PHF2: variants seen among roughly 807,000 people sequenced by gnomAD.
PHF2 encodes lysine-specific demethylase PHF2.
Under a neutral mutation model 120.5 loss-of-function variants are expected in PHF2, and 27 were observed. The observed-to-expected ratio is 0.22, with a 90% confidence interval of 0.17 to 0.31. PHF2 has a LOEUF of 0.31. PHF2 is among the 10% of genes least tolerant of loss of function. PHF2 has a pLI of 1.00. For missense variants in PHF2, 1,024 were observed against 1,434.8 expected, an observed-to-expected ratio of 0.71 and a Z score of 4.63; for synonymous variants, 568 against 592.5, an observed-to-expected ratio of 0.96 and a Z score of 0.60.
At chr9:93,579,319 C>G (rs1290227972) in intron 1 of PHF2, among the ~76,000 whole-genome samples, 1 of 152,110 alleles carries the variant, frequency 6.6e-6, no homozygotes, top group Non-Finnish European at 1.5e-5. Flanking sequence ...TACTTTTAAA[C>G]TTTTTATTTT....
Position 93,654,443 on chromosome 9 carries a change from G to A in PHF2, c.820G>A (p.Ala274Thr). Residue 274 changes from alanine (A) to threonine (T), a missense_variant, in exon 7 of 22, where the codon GCC (alanine) becomes ACC (threonine). By Grantham distance (58) the Ala-to-Thr change is moderately conservative. Transcript: ENST00000359246. ...GEKTFYLIRP[A>T]SANISLYERW... is the part of the protein sequence containing the mutation. ...GAAGACCTTCTATCTCATCAGGCCG[G>A]CCTCGGCCAACATCTCCCTGTATGA... is the stretch of plus-strand genomic sequence containing the variant. 6.8e-6 allele frequency: 11 copies of A among 1,613,772 alleles called. No homozygotes were observed. The highest frequency in any genetic ancestry group is 9.3e-6 in the Non-Finnish European group (11 of 1,179,922).
rs556850664 is a variant in PHF2, at chr9:93,652,570, T to G, written c.603-609T>G. Among the ~76,000 whole-genome samples, 240 of 152,114 alleles carry G rather than the reference T, an allele frequency of 1.6e-3. 1 individual carries two copies. Among genetic ancestry groups the G allele is most frequent in the Admixed American group, 2.8e-3 (43 of 15,286 alleles). Reference sequence around the variant, plus strand: ...CCTCCCAAAGTGCTGAGATTACAGATGTGAGCCACCATGCCCAGCCTAGTT... The same window carrying G: ...CCTCCCAAAGTGCTGAGATTACAGAGGTGAGCCACCATGCCCAGCCTAGTT... On this transcript the variant is annotated intron_variant, in intron 5 of 21. Transcript: ENST00000359246.
At position 93,608,215 on chromosome 9, in the gene PHF2, C is replaced by T. The variant is rs117503188; in HGVS notation, c.99-21755C>T. ...AAGTAATCCTGTAATCCTAGCTACT[C>T]GGGAGGCTAAGGTGAGAGGATTGCT... On this transcript the variant is annotated intron_variant, in intron 1 of 21. Transcript: ENST00000359246. Among the ~76,000 whole-genome samples the T allele has an allele frequency of 7.6e-4, 115 of 151,998 alleles. 1 individual carries two copies. The East Asian group carries it at 0.015, about 19-fold the overall frequency.
In PHF2 at chr9:93,645,785, C is replaced by T. The variant is rs773904244; in HGVS notation, c.456C>T (p.Tyr152=). ...TCTATGTCAGTGACGTCGAGAACTA[C>T]GTGGGTAAGCGCCATCCCCTTCACA... is the stretch of plus-strand genomic sequence containing the variant. ...PTFYVSDVEN[Y]VGPERSVDVT... The change falls in exon 4 of 22, where the codon TAC becomes TAT. Residue 152 remains tyrosine (Y), a synonymous_variant. Transcript: ENST00000359246. 9.9e-5 allele frequency: 157 copies of T among 1,587,134 alleles called. No individual in the cohort carries two copies. The highest frequency in any genetic ancestry group is 3.1e-4 in the South Asian group (27 of 86,898).
In PHF2 at chr9:93,662,924, G is replaced by C; in HGVS notation, c.1716G>C (p.Leu572=). ...TTTTCTAGGCCACAAAGAGTGTCCTGAGTGTGCCCAACAAAGATGTGGTTC... is the reference window on the plus strand; with the variant it reads ...TTTTCTAGGCCACAAAGAGTGTCCTCAGTGTGCCCAACAAAGATGTGGTTC... The part of the protein sequence containing the change: ...PKKGKATKSV[L]SVPNKDVVHM... Residue 572 remains leucine (L), a synonymous_variant, in exon 13 of 22, where the codon CTG becomes CTC. Coordinates refer to ENST00000359246, the MANE Select transcript of PHF2 (RefSeq NM_005392.4). 1.2e-6 allele frequency: 2 copies of C among 1,614,104 alleles called. No homozygotes were observed. The highest frequency in any genetic ancestry group is 8.5e-7 in the Non-Finnish European group (1 of 1,179,972).
At chr9:93,653,765 A>G (rs1826409796) in intron 6 of PHF2, among the ~76,000 whole-genome samples, 1 of 152,230 alleles carries the variant, frequency 6.6e-6, no homozygotes, top group African/African-American at 2.4e-5. Flanking sequence ...GAGCCTCATC[A>G]TCGAGGCTGA....
Position 93,653,270 on chromosome 9 carries a change from A to G in PHF2, c.694A>G (p.Lys232Glu). 6.2e-7 allele frequency: 1 copy of G among 1,614,210 alleles called. No homozygotes were observed. Residue 232 changes from lysine (K) to glutamate (E), a missense_variant, in exon 6 of 22, where the codon AAA becomes GAA. Physicochemically the swap from Lys to Glu is moderately conservative, Grantham distance 56. Around this residue, in one of 2 missense-constraint regions of PHF2, gnomAD observed 347 missense variants for 577.4 expected, o/e 0.60. Coordinates refer to ENST00000359246, the MANE Select transcript of PHF2 (RefSeq NM_005392.4). The part of the protein sequence containing the change: ...WPDDALLAKP[K>E]VTKYCLICVK... Reference sequence around the variant, plus strand: ...AGATGATGCATTGCTGGCCAAGCCCAAAGTGACCAAGTACTGCCTAATCTG... The same window carrying G: ...AGATGATGCATTGCTGGCCAAGCCCGAAGTGACCAAGTACTGCCTAATCTG...
At position 93,576,891 on chromosome 9, in the gene PHF2, T is replaced by TCGGCTCGGCCCGGCCCGGCC. The variant is rs1383353797; in HGVS notation, c.98+25_98+44dup. The stretch of plus-strand genomic sequence containing the variant: ...CGGCAGGTGAGCGCGCGGCGGCTGC[T>TCGGCTCGGCCCGGCCCGGCC]CGGCTCGGCCCGGCCCGGCCCGGCC... On this transcript the variant is annotated intron_variant, in intron 1 of 21. Transcript: ENST00000359246. 1 of 1,135,816 alleles carries TCGGCTCGGCCCGGCCCGGCC rather than the reference T, an allele frequency of 8.8e-7. No individual in the cohort carries two copies. Among genetic ancestry groups the TCGGCTCGGCCCGGCCCGGCC allele is most frequent in the East Asian group, 7.9e-5 (1 of 12,632 alleles). 70.4% of individuals were successfully genotyped at this position (1,135,816 alleles called of 1,614,324 possible).
chr9:93,645,809 C>T lies in PHF2; in HGVS notation c.460+20C>T, dbSNP rs764477457. 7 of 1,558,306 alleles carry T rather than the reference C, an allele frequency of 4.5e-6. No homozygotes were observed. In the Admixed American group the frequency reaches 1.3e-4, roughly 28 times the overall value. ...ACGTGGGTAAGCGCCATCCCCTTCACAGTGCTCTGGGGCTGGAGCTGGGAG... is the reference window on the plus strand; with the variant it reads ...ACGTGGGTAAGCGCCATCCCCTTCATAGTGCTCTGGGGCTGGAGCTGGGAG... On this transcript the variant is annotated intron_variant, in intron 4 of 21. Coordinates refer to ENST00000359246, the MANE Select transcript of PHF2 (RefSeq NM_005392.4).
At chr9:93,666,154 G>T (rs554130115) in intron 16 of PHF2, 94 bp downstream of exon 16, 2 of 1,343,836 alleles carry the variant, frequency 1.5e-6, no homozygotes, top group Admixed American at 1.9e-5. Flanking sequence ...GGTCTCTGGG[G>T]GTGTTTCTGC....
intron 1 of PHF2, among the ~76,000 whole-genome samples, chr9:93,610,067 G>A (rs1221039738): frequency 1.2e-5 from 1 of 86,602 alleles, no homozygotes; most frequent in Non-Finnish European, 3.1e-5. Context: ...ATGCCTAGGT[G>A]TAGATTTTTT....
At chr9:93,595,995 A>G (rs1256152704) in intron 1 of PHF2, among the ~76,000 whole-genome samples, 1 of 152,174 alleles carries the variant, frequency 6.6e-6, no homozygotes, top group Non-Finnish European at 1.5e-5. Context: ...AGGATGGGGC[A>G]TTTCCCAGTT....
chr9:93,664,365 G>A (rs770376312), intron 14 of PHF2, among the ~76,000 whole-genome samples: 2 of 152,192 alleles, frequency 1.3e-5, no homozygotes, highest in East Asian at 1.9e-4. Flanking sequence ...TGGCAACCTC[G>A]AGAGCCTCAT....
At chr9:93,644,637 A>G (rs754200497) in intron 3 of PHF2, among the ~76,000 whole-genome samples, 19 of 152,026 alleles carry the variant, frequency 1.2e-4, no homozygotes, top group Non-Finnish European at 2.2e-4. Flanking sequence ...AACTGTGCCC[A>G]TCCCATAGAA....
At chr9:93,577,938 C>T (rs1156868909) in intron 1 of PHF2, among the ~76,000 whole-genome samples, 2 of 152,168 alleles carry the variant, frequency 1.3e-5, no homozygotes, top group Non-Finnish European at 2.9e-5. Flanking sequence ...GGCTGTATGC[C>T]CTCTGGGGCT....
At chr9:93,635,940 G>A (rs994059259) in intron 2 of PHF2, among the ~76,000 whole-genome samples, 20 of 152,056 alleles carry the variant, frequency 1.3e-4, no homozygotes, top group Non-Finnish European at 2.6e-4. Context: ...GGGAGGAGAC[G>A]GAACAAGATG....
Position 93,576,749 on chromosome 9 carries a change from C to A in PHF2, c.-25C>A. ...CGACCCGGGCAGCGCAGCGGCGGGG[C>A]CGAGCGGCGGCGCGGCGCGGCAACA... is the stretch of plus-strand genomic sequence containing the variant. On this transcript the variant is annotated 5_prime_UTR_variant, in exon 1 of 22. Coordinates refer to ENST00000359246, the MANE Select transcript of PHF2 (RefSeq NM_005392.4). 8.7e-7 allele frequency: 1 copy of A among 1,154,370 alleles called. No homozygotes were observed. The highest frequency in any genetic ancestry group is 1.1e-6 in the Non-Finnish European group (1 of 910,654). The allele number at this position is 1,154,370 out of a possible 1,614,324, so 71.5% of individuals were successfully genotyped here. A position where few individuals can be genotyped will look rare whatever the true frequency, so the allele number is the denominator to read the frequency against.
At chr9:93,652,852 G>A (rs921310072) in intron 5 of PHF2, among the ~76,000 whole-genome samples, 3 of 152,204 alleles carry the variant, frequency 2.0e-5, no homozygotes, top group Non-Finnish European at 4.4e-5. Context: ...ACAGCACATG[G>A]CACGTGGCCA....
At chr9:93,606,310 G>A (rs779823783) in intron 1 of PHF2, among the ~76,000 whole-genome samples, 6 of 152,100 alleles carry the variant, frequency 3.9e-5, no homozygotes, top group Admixed American at 6.6e-5. Context: ...GTCTTCCATA[G>A]TGGCTGTACC....
Sources: allele counts gnomAD v4.1 joint callset (sites outside exome capture counted in the v4.1 genomes callset), GRCh38; gene constraint gnomAD v4.1.1; regional missense constraint gnomAD v4.1.1; transcripts MANE v1.5; gene names NCBI Gene and HGNC (gene_info 2026-07-23, HGNC 2026-07-21).